Variants in GRIA4 observed in about 807,000 individuals in gnomAD.
The protein encoded by GRIA4 is glutamate ionotropic receptor AMPA type subunit 4.
A neutral mutation model predicts 104.0 loss-of-function variants in GRIA4; 34 were observed. The ratio of observed to expected loss-of-function variants is 0.33; its 90% CI spans 0.25 to 0.44. The LOEUF (loss-of-function observed/expected upper bound fraction) is 0.44. GRIA4 is among the 20% of genes least tolerant of loss of function. The pLI is 1.00. For synonymous variants in GRIA4, 386 were observed against 381.9 expected, an observed-to-expected ratio of 1.01 and a Z score of -0.13; for missense variants, 750 against 1,096.5, an observed-to-expected ratio of 0.68 and a Z score of 4.46.
At chr11:105,675,647 A>G (rs1028524266) in intron 3 of GRIA4, among the ~76,000 whole-genome samples, 4 of 151,646 alleles carry the variant, frequency 2.6e-5, no homozygotes, top group Non-Finnish European at 4.4e-5. Context: ...TTATCCAGTT[A>G]CTCTCAGTGT....
At chr11:105,889,475 A>C (rs1459962892) in intron 6 of GRIA4, among the ~76,000 whole-genome samples, 1 of 152,186 alleles carries the variant, frequency 6.6e-6, no homozygotes, top group East Asian at 1.9e-4. Context: ...AAGGACTATT[A>C]CTTATAACAC....
chr11:105,880,198 A>C (rs1945997090), intron 5 of GRIA4, among the ~76,000 whole-genome samples: 1 of 152,204 alleles, frequency 6.6e-6, no homozygotes, highest in African/African-American at 2.4e-5. Context: ...ACCTCTTTGC[A>C]AATATTTTAA....
At chr11:105,826,665 G>A (rs570097116) in intron 4 of GRIA4, among the ~76,000 whole-genome samples, 5 of 152,016 alleles carry the variant, frequency 3.3e-5, no homozygotes, top group East Asian at 1.9e-4. Context: ...ATTTGGTTTC[G>A]GAAGTCACAT....
chr11:105,760,095 C>T (rs1294504814), intron 4 of GRIA4, among the ~76,000 whole-genome samples: 1 of 152,130 alleles, frequency 6.6e-6, no homozygotes, highest in Non-Finnish European at 1.5e-5. Context: ...TATTAAATAT[C>T]CCATTTGTAT....
At chr11:105,740,701 AGG>A (rs1939252383) in intron 3 of GRIA4, among the ~76,000 whole-genome samples, 1 of 152,180 alleles carries the variant, frequency 6.6e-6, no homozygotes, top group Non-Finnish European at 1.5e-5. Context: ...GGTCTCCCTG[AGG>A]AGTGGACAGT....
intron 3 of GRIA4, among the ~76,000 whole-genome samples, chr11:105,670,317 T>C (rs566113213): frequency 6.6e-6 from 1 of 152,262 alleles, no homozygotes; most frequent in South Asian, 2.1e-4. Context: ...CTTTAAAATG[T>C]CATACATTTG....
At chr11:105,744,806 C>T (rs1164176314) in intron 3 of GRIA4, among the ~76,000 whole-genome samples, 3 of 152,066 alleles carry the variant, frequency 2.0e-5, no homozygotes, top group Non-Finnish European at 4.4e-5. Context: ...TTTTCTTTTC[C>T]GTTCTGCTCT....
chr11:105,823,040 G>A (rs1943634365), intron 4 of GRIA4, among the ~76,000 whole-genome samples: 1 of 152,022 alleles, frequency 6.6e-6, no homozygotes, highest in Non-Finnish European at 1.5e-5. Context: ...AATGATAGTG[G>A]TACCAGGCAA....
At chr11:105,749,227 G>A (rs2135681840) in intron 3 of GRIA4, among the ~76,000 whole-genome samples, 1 of 152,312 alleles carries the variant, frequency 6.6e-6, no homozygotes, top group East Asian at 1.9e-4. Context: ...TTAGTCGCTA[G>A]CAAAGTTGAA....
chr11:105,913,564 A>G (rs1947317545), intron 10 of GRIA4: 1 of 800,604 alleles, frequency 1.2e-6, no homozygotes, highest in Non-Finnish European at 1.5e-6. Context: ...AACCCAAAGA[A>G]GCCAAATCTA....
chr11:105,694,153 A>T (rs1007931981), intron 3 of GRIA4, among the ~76,000 whole-genome samples: 2 of 147,154 alleles, frequency 1.4e-5, no homozygotes, highest in South Asian at 4.3e-4. Flanking sequence ...AAACAAGCTA[A>T]TTTTTTTTTT....
chr11:105,661,606 TA>T (rs1952011754), intron 3 of GRIA4, among the ~76,000 whole-genome samples: 1 of 151,734 alleles, frequency 6.6e-6, no homozygotes, highest in Admixed American at 6.6e-5. Context: ...AATTCATGGT[TA>T]ATTTTTTATA....
intron 4 of GRIA4, among the ~76,000 whole-genome samples, chr11:105,759,460 T>C (rs935149375): frequency 6.6e-6 from 1 of 152,162 alleles, no homozygotes; most frequent in Non-Finnish European, 1.5e-5. Context: ...TTTGACTCTG[T>C]AAACTTCTTC....
intron 3 of GRIA4, among the ~76,000 whole-genome samples, chr11:105,662,610 G>C (rs115186716): frequency 5.3e-5 from 8 of 152,016 alleles, no homozygotes; most frequent in African/African-American, 1.9e-4. Flanking sequence ...AAATTTTAGA[G>C]AGAAAAATGG....
At chr11:105,655,764 G>C (rs2121061) in intron 3 of GRIA4, among the ~76,000 whole-genome samples, 78,715 of 151,860 alleles carry the variant, frequency 0.52, 20,670 homozygotes, top group Admixed American at 0.61. Flanking sequence ...CCAAGTCTTT[G>C]CTACTGTGAA....
At chr11:105,874,492 T>G (rs912849142) in intron 5 of GRIA4, among the ~76,000 whole-genome samples, 4 of 152,210 alleles carry the variant, frequency 2.6e-5, no homozygotes, top group African/African-American at 9.6e-5. Context: ...GCATTGAATC[T>G]ATAAATTACA....
At chr11:105,726,185 G>C (rs1938194689) in intron 3 of GRIA4, among the ~76,000 whole-genome samples, 1 of 152,106 alleles carries the variant, frequency 6.6e-6, no homozygotes, top group South Asian at 2.1e-4. Flanking sequence ...AGTAGACTTG[G>C]GATGCTCGAG....
chr11:105,807,553 G>A (rs1943001628), intron 4 of GRIA4, among the ~76,000 whole-genome samples: 1 of 151,872 alleles, frequency 6.6e-6, no homozygotes, highest in South Asian at 2.1e-4. Flanking sequence ...TCTATGCCTT[G>A]CAGAACTAGC....
chr11:105,750,153 CTATAT>C (rs937338720), intron 3 of GRIA4, among the ~76,000 whole-genome samples: 7 of 152,008 alleles, frequency 4.6e-5, no homozygotes, highest in South Asian at 2.1e-4. Context: ...GTTTTCAAAG[CTATAT>C]TATAATACTA....
Sources: allele counts gnomAD v4.1 joint callset (sites outside exome capture counted in the v4.1 genomes callset), GRCh38; gene constraint gnomAD v4.1.1; transcripts MANE v1.5; gene names NCBI Gene and HGNC (gene_info 2026-07-23, HGNC 2026-07-21).